GLMN: variants seen among roughly 807,000 people sequenced by gnomAD.
GLMN encodes the protein glomulin.
A neutral mutation model predicts 87.8 loss-of-function variants in GLMN; 75 were observed. That is an observed-to-expected ratio of 0.85 (90% confidence interval 0.71 to 1.04). The LOEUF is 1.04. Among genes scored for constraint, GLMN ranks in the 50% least tolerant of loss-of-function variants. The pLI is 0.00. For missense variants in GLMN, 588 were observed against 658.8 expected (o/e 0.89, Z 1.18); for synonymous variants, 206 against 221.6 (o/e 0.93, Z 0.63).
At chr1:92,312,232 G>A in the GLMN span, among the ~76,000 whole-genome samples, 1 of 151,976 alleles carries the variant, frequency 6.6e-6, no homozygotes, top group Admixed American at 6.6e-5. Flanking sequence ...CAACATAGAG[G>A]GACCCATCTC....
At chr1:92,354,891 ATTATT>A in the GLMN span, among the ~76,000 whole-genome samples, 17 of 126,692 alleles carry the variant, frequency 1.3e-4, no homozygotes, top group Admixed American at 3.7e-4. Flanking sequence ...ATTTATGTAA[ATTATT>A]ATTATTATTA....
intron 7 of GLMN, 81 bp from the exon 8 acceptor site, chr1:92,271,733 T>A: frequency 1.1e-6 from 1 of 935,916 alleles, no homozygotes; most frequent in Non-Finnish European, 1.8e-6. Flanking sequence ...CTCCACATTC[T>A]CACCAAGGGG....
chr1:92,320,668 T>A, the GLMN span: 1 of 1,550,418 alleles, frequency 6.4e-7, no homozygotes, highest in African/African-American at 1.4e-5. Flanking sequence ...ACCATTTATA[T>A]ATTTATGTTA....
chr1:92,348,357 C>T, the GLMN span, among the ~76,000 whole-genome samples: 2 of 152,182 alleles, frequency 1.3e-5, no homozygotes, highest in African/African-American at 4.8e-5. Flanking sequence ...TTAGGGGAAA[C>T]CCTTTTAGCT....
intron 7 of GLMN, among the ~76,000 whole-genome samples, chr1:92,276,567 C>G (rs1438176679): frequency 6.6e-6 from 1 of 152,090 alleles, no homozygotes; most frequent in Non-Finnish European, 1.5e-5. Flanking sequence ...GAGGCTGAGG[C>G]AGGAGAACTG....
At chr1:92,358,872 C>A in the GLMN span, among the ~76,000 whole-genome samples, 4 of 152,150 alleles carry the variant, frequency 2.6e-5, no homozygotes, top group East Asian at 7.7e-4. Flanking sequence ...CAGGTGTGAG[C>A]CACCATGCCC....
rs1250791118 is a variant in GLMN, at chr1:92,259,724, TTTTC to T, written c.1473+3135_1473+3138del. On this transcript the variant is annotated intron_variant, in intron 16 of 18. Transcript: ENST00000370360. ...AGACCATCATTTTGTTTTTTCTTTT[TTTTC>T]TTTCTTTTTTTTTTTTTTTTTTTTG... Among the ~76,000 whole-genome samples the T allele has an allele frequency of 3.2e-3, 453 of 139,704 alleles. 5 individuals carry two copies. The highest frequency in any genetic ancestry group is 4.4e-3 in the Non-Finnish European group (293 of 66,678). 91.7% of individuals were successfully genotyped at this position (139,704 alleles called of 152,430 possible). A position where few individuals can be genotyped will look rare whatever the true frequency, so the allele number is the denominator to read the frequency against.
intron 6 of GLMN, among the ~76,000 whole-genome samples, chr1:92,288,341 C>T (rs1649016258): frequency 6.6e-6 from 1 of 152,038 alleles, no homozygotes; most frequent in African/African-American, 2.4e-5. Flanking sequence ...TCTATTTCCC[C>T]CACTTTCATT....
the GLMN span, among the ~76,000 whole-genome samples, chr1:92,305,450 A>AAAAAAAAAAC: frequency 0.019 from 2,658 of 141,754 alleles, 311 homozygotes; most frequent in African/African-American, 0.075. Flanking sequence ...AAAAAAAAAA[A>AAAAAAAAAAC]AGACAATATG....
chr1:92,351,976 A>G, the GLMN span, among the ~76,000 whole-genome samples: 2 of 152,248 alleles, frequency 1.3e-5, no homozygotes, highest in East Asian at 3.9e-4. Context: ...TGTGTGAATT[A>G]TTTGGTTATC....
the GLMN span, among the ~76,000 whole-genome samples, chr1:92,320,393 C>T: frequency 6.6e-6 from 1 of 152,136 alleles, no homozygotes; most frequent in East Asian, 1.9e-4. Flanking sequence ...CTGCCTCAGC[C>T]TCCTGAGTAG....
At chr1:92,299,086 G>A (rs1258954439), upstream of GLMN, 4 of 1,515,074 alleles carry the variant, frequency 2.6e-6, no homozygotes, top group Admixed American at 4.2e-5. Context: ...GGCGGACTTC[G>A]CTGGGCCGTC....
At chr1:92,340,093 A>C in the GLMN span, among the ~76,000 whole-genome samples, 2 of 152,246 alleles carry the variant, frequency 1.3e-5, no homozygotes, top group Non-Finnish European at 2.9e-5. Flanking sequence ...AAATAAGCCC[A>C]AAAAAGTATG....
intron 3 of GLMN, among the ~76,000 whole-genome samples, chr1:92,296,685 T>C (rs1650100451): frequency 6.6e-6 from 1 of 152,172 alleles, no homozygotes; most frequent in Admixed American, 6.5e-5. Context: ...GCCAACACAG[T>C]GTCCCAGGAA....
chr1:92,320,561 C>T, the GLMN span: 89 of 1,599,440 alleles, frequency 5.6e-5, no homozygotes, highest in East Asian at 6.0e-4. Context: ...TGAGCCACCG[C>T]ACCCGGCCTA....
At chr1:92,269,683 A>G in intron 9 of GLMN, 40 bp downstream of exon 9, 1 of 1,325,090 alleles carries the variant, frequency 7.5e-7, no homozygotes, top group South Asian at 1.2e-5. Flanking sequence ...CTATTTTAAC[A>G]CTACTATTTC....
At chr1:92,261,104 A>G (rs1654995190) in intron 16 of GLMN, among the ~76,000 whole-genome samples, 1 of 152,188 alleles carries the variant, frequency 6.6e-6, no homozygotes, top group African/African-American at 2.4e-5. Flanking sequence ...CACCTTCCTG[A>G]AGTCTCAGGG....
chr1:92,293,835 G>A (rs887337002), intron 3 of GLMN, among the ~76,000 whole-genome samples: 1 of 152,102 alleles, frequency 6.6e-6, no homozygotes, highest in Non-Finnish European at 1.5e-5. Flanking sequence ...AGACCATTAT[G>A]TTAAGTGAAA....
the GLMN span, among the ~76,000 whole-genome samples, chr1:92,313,770 T>C: frequency 1.3e-5 from 2 of 152,244 alleles, no homozygotes; most frequent in African/African-American, 2.4e-5. Context: ...TTTGTCTACA[T>C]TGAAAATTTG....
Sources: gnomAD v4.1 joint callset for allele counts (sites outside exome capture counted in the v4.1 genomes callset) on GRCh38, gnomAD v4.1.1 for gene constraint, MANE v1.5 for transcripts, NCBI Gene and HGNC (gene_info 2026-07-23, HGNC 2026-07-21) for gene names.